Variants in CYP4X1 observed in about 807,000 individuals in gnomAD.
The protein encoded by CYP4X1 is cytochrome P450 4X1.
A neutral mutation model predicts 57.9 loss-of-function variants in CYP4X1; 44 were observed. The observed-to-expected ratio is 0.76, with a 90% CI of 0.60 to 0.98. The LOEUF is 0.98. CYP4X1 is among the 50% of genes least tolerant of loss of function. CYP4X1 has a pLI of 0.00. For missense variants in CYP4X1, 532 were observed against 623.9 expected (o/e 0.85, Z 1.57); for synonymous variants, 227 against 228.6 (o/e 0.99, Z 0.06).
the CYP4X1 span, among the ~76,000 whole-genome samples, chr1:47,001,941 C>T: frequency 1.8e-4 from 27 of 152,366 alleles, no homozygotes; most frequent in African/African-American, 5.8e-4. Context: ...CCTTCTGCAT[C>T]GTCAAGGCTA....
chr1:47,042,637 G>A (rs930287490), intron 8 of CYP4X1, among the ~76,000 whole-genome samples: 3 of 152,036 alleles, frequency 2.0e-5, no homozygotes, highest in Admixed American at 6.6e-5. Flanking sequence ...AGTCCCCAAA[G>A]TCCATTGTAT....
Position 47,038,745 on chromosome 1 carries a change from G to A in CYP4X1, c.861G>A (p.Leu287=), listed in dbSNP as rs896851013. 3.7e-6 allele frequency: 6 copies of A among 1,609,916 alleles called. No individual in the cohort carries two copies. The highest frequency in any genetic ancestry group is 4.2e-6 in the Non-Finnish European group (5 of 1,178,066). Residue 287 remains leucine, a synonymous_variant, in exon 7 of 12, where the codon CTG becomes CTA. Coordinates refer to ENST00000371901, the MANE Select transcript of CYP4X1 (RefSeq NM_178033.2). ...NTPKRKYQDF[L]DIVLSAKDES... is the part of the protein sequence containing the mutation. ...CGAAGAGGAAGTACCAGGATTTTCT[G>A]GATATTGTCCTTTCTGCCAAGGTAA...
At chr1:46,970,542 T>C in the CYP4X1 span, among the ~76,000 whole-genome samples, 2 of 152,216 alleles carry the variant, frequency 1.3e-5, no homozygotes, top group African/African-American at 4.8e-5. Flanking sequence ...ATTGAGTCTA[T>C]GTTAAAGAAA....
the CYP4X1 span, chr1:46,967,851 T>C: frequency 2.2e-5 from 27 of 1,208,128 alleles, no homozygotes; most frequent in Non-Finnish European, 2.8e-5. Flanking sequence ...TCATGGCAAA[T>C]TTTTTCCCAA....
chr1:47,050,456 A>G lies in CYP4X1; in HGVS notation c.*282A>G. The stretch of plus-strand genomic sequence containing the variant: ...TTTCATATATTTTCTGTTGTTTTTA[A>G]AATAGTTTTCAGAATTATGCAAGTA... On this transcript the variant is annotated 3_prime_UTR_variant, in exon 12 of 12. Transcript: ENST00000371901. 8.7e-6 allele frequency: 2 copies of G among 230,378 alleles called. No homozygotes were observed. Among genetic ancestry groups the G allele is most frequent in the South Asian group, 1.9e-4 (2 of 10,798 alleles). 14.3% of individuals were successfully genotyped at this position (230,378 alleles called of 1,614,324 possible).
chr1:46,975,620 A>G, the CYP4X1 span, among the ~76,000 whole-genome samples: 2 of 151,972 alleles, frequency 1.3e-5, no homozygotes, highest in African/African-American at 4.8e-5. Flanking sequence ...TTGACCGTGG[A>G]CAACCTGATG....
the CYP4X1 span, among the ~76,000 whole-genome samples, chr1:46,962,442 C>A: frequency 6.6e-6 from 1 of 152,116 alleles, no homozygotes. Flanking sequence ...TGAATTGATT[C>A]TGGGTTTCCT....
chr1:46,969,127 T>C, the CYP4X1 span, among the ~76,000 whole-genome samples: 5 of 152,106 alleles, frequency 3.3e-5, no homozygotes, highest in African/African-American at 4.8e-5. Context: ...GATCAGTGAG[T>C]GAGTGCTCAG....
the CYP4X1 span, chr1:46,961,549 G>C: frequency 8.2e-7 from 1 of 1,219,870 alleles, no homozygotes; most frequent in Non-Finnish European, 1.0e-6. Context: ...GTTCTTGGGA[G>C]AGCTGCTCTT....
At chr1:47,003,573 A>G in the CYP4X1 span, among the ~76,000 whole-genome samples, 1 of 152,180 alleles carries the variant, frequency 6.6e-6, no homozygotes, top group Non-Finnish European at 1.5e-5. Context: ...GCTTCTGGAA[A>G]GACCTAAGGG....
the CYP4X1 span, among the ~76,000 whole-genome samples, chr1:46,985,412 G>A: frequency 6.6e-6 from 1 of 152,232 alleles, no homozygotes; most frequent in Non-Finnish European, 1.5e-5. Flanking sequence ...GAAAGCACCT[G>A]GGGGAAGGGG....
the CYP4X1 span, chr1:46,961,467 G>A: frequency 1.0e-6 from 1 of 990,884 alleles, no homozygotes; most frequent in Non-Finnish European, 1.3e-6. Context: ...ACTCTGGTTT[G>A]AACCGTTCAC....
the CYP4X1 span, among the ~76,000 whole-genome samples, chr1:47,012,394 A>T: frequency 6.6e-6 from 1 of 152,074 alleles, no homozygotes; most frequent in Admixed American, 6.6e-5. Context: ...AACATCGCAC[A>T]CCAGGGCCTG....
chr1:47,011,883 G>A, the CYP4X1 span, among the ~76,000 whole-genome samples: 1 of 152,186 alleles, frequency 6.6e-6, no homozygotes, highest in Non-Finnish European at 1.5e-5. Flanking sequence ...CAGTTAGAAT[G>A]GCGATCATTA....
chr1:47,048,128 A>G (rs1235746501), intron 9 of CYP4X1, among the ~76,000 whole-genome samples: 2 of 151,582 alleles, frequency 1.3e-5, no homozygotes, highest in African/African-American at 2.4e-5. Flanking sequence ...GCATGCTTGT[A>G]TTCCTGCCTA....
At chr1:46,986,843 A>T in the CYP4X1 span, among the ~76,000 whole-genome samples, 1 of 152,214 alleles carries the variant, frequency 6.6e-6, no homozygotes, top group Non-Finnish European at 1.5e-5. Flanking sequence ...AGATTTTGTC[A>T]CCACCAGGCC....
At chr1:46,975,215 G>A in the CYP4X1 span, among the ~76,000 whole-genome samples, 520 of 152,230 alleles carry the variant, frequency 3.4e-3, 3 homozygotes, top group African/African-American at 0.011. Context: ...CTGTCATCAT[G>A]TTGTTAGCTG....
the CYP4X1 span, among the ~76,000 whole-genome samples, chr1:46,987,926 A>G: frequency 1.3e-5 from 2 of 152,212 alleles, no homozygotes; most frequent in Non-Finnish European, 2.9e-5. Flanking sequence ...CCCACAAGAG[A>G]AAGTAGAAAA....
the CYP4X1 span, among the ~76,000 whole-genome samples, chr1:46,994,816 C>T: frequency 2.6e-5 from 4 of 152,110 alleles, no homozygotes; most frequent in Admixed American, 2.6e-4. Flanking sequence ...AGATGGGGGG[C>T]ACAGCTGTAT....
Sources: gnomAD v4.1 joint callset for allele counts (sites outside exome capture counted in the v4.1 genomes callset) on GRCh38, gnomAD v4.1.1 for gene constraint, MANE v1.5 for transcripts, NCBI Gene and HGNC (gene_info 2026-07-23, HGNC 2026-07-21) for gene names.